The following GRM8 variants were observed in gnomAD, a reference collection of about 807,000 sequenced individuals.
The protein encoded by GRM8 is glutamate metabotropic receptor 8, also known as metabotropic glutamate receptor 8.
Under a neutral mutation model 87.2 loss-of-function variants are expected in GRM8, and 47 were observed. The observed-to-expected ratio is 0.54, with a 90% CI of 0.43 to 0.69. GRM8 has a LOEUF of 0.69. Among genes scored for constraint, GRM8 ranks in the 30% least tolerant of loss-of-function variants. The probability of loss-of-function intolerance (pLI) is 0.00; values close to 1 mark genes in which losing one functional copy is unlikely to be tolerated. For synonymous variants in GRM8, 396 were observed against 404.5 expected (o/e 0.98, Z 0.25); for missense variants, 1,019 against 1,139.2 (o/e 0.89, Z 1.52).
intron 9 of GRM8, among the ~76,000 whole-genome samples, chr7:126,521,551 C>T (rs941052144): frequency 2.6e-5 from 4 of 151,854 alleles, no homozygotes; most frequent in African/African-American, 9.7e-5. Flanking sequence ...CAATATATTA[C>T]TTTAAAAAAT....
At chr7:127,082,763 T>G (rs575951851) in intron 3 of GRM8, among the ~76,000 whole-genome samples, 1 of 152,326 alleles carries the variant, frequency 6.6e-6, no homozygotes, top group East Asian at 1.9e-4. Context: ...GCTTAAAACT[T>G]TACATGGGTT....
chr7:126,594,142 A>G (rs1471637700), intron 8 of GRM8, among the ~76,000 whole-genome samples: 1 of 152,058 alleles, frequency 6.6e-6, no homozygotes, highest in Non-Finnish European at 1.5e-5. Flanking sequence ...GTTGGTGGGA[A>G]TGTAAATTAG....
chr7:126,714,278 A>AAATAATAATAAT (rs143180604), intron 7 of GRM8, among the ~76,000 whole-genome samples: 65 of 137,044 alleles, frequency 4.7e-4, no homozygotes, highest in Middle Eastern at 3.6e-3. Flanking sequence ...ACTCCATCTC[A>AAATAATAATAAT]AATAATAATA....
chr7:127,018,730 C>T (rs1401457857), intron 3 of GRM8, among the ~76,000 whole-genome samples: 1 of 151,896 alleles, frequency 6.6e-6, no homozygotes, highest in East Asian at 1.9e-4. Flanking sequence ...AACACAGCCC[C>T]TTTCTGCTTG....
At chr7:127,134,857 A>C (rs1827865203) in intron 2 of GRM8, among the ~76,000 whole-genome samples, 1 of 152,152 alleles carries the variant, frequency 6.6e-6, no homozygotes, top group East Asian at 1.9e-4. Flanking sequence ...CTGAGCTCTG[A>C]ACATAAGTCT....
intron 9 of GRM8, among the ~76,000 whole-genome samples, chr7:126,482,202 G>A (rs1806766173): frequency 6.6e-6 from 1 of 152,020 alleles, no homozygotes; most frequent in Admixed American, 6.6e-5. Context: ...CCTGTTTGTA[G>A]TAATGTAAAA....
chr7:127,186,746 G>A (rs977276621), intron 2 of GRM8, among the ~76,000 whole-genome samples: 5 of 152,184 alleles, frequency 3.3e-5, no homozygotes, highest in African/African-American at 4.8e-5. Flanking sequence ...CAGTTGTAAT[G>A]CAAGAGATCT....
intron 2 of GRM8, among the ~76,000 whole-genome samples, chr7:127,108,588 C>T (rs1329753317): frequency 6.6e-6 from 1 of 152,064 alleles, no homozygotes; most frequent in East Asian, 1.9e-4. Flanking sequence ...CAACTCCCAC[C>T]CTGCCTATAA....
At chr7:127,076,134 G>A (rs988169119) in intron 3 of GRM8, 9 of 456,516 alleles carry the variant, frequency 2.0e-5, no homozygotes, top group African/African-American at 1.0e-4. Context: ...GACAGTTTGA[G>A]CATCTGACAG....
At chr7:126,643,252 C>T (rs1389476684) in intron 7 of GRM8, among the ~76,000 whole-genome samples, 1 of 128,924 alleles carries the variant, frequency 7.8e-6, no homozygotes, top group Admixed American at 9.0e-5. Flanking sequence ...GATTGTGCCA[C>T]TGTACTCCAG....
At chr7:126,529,138 G>GA (rs1814391579) in intron 9 of GRM8, among the ~76,000 whole-genome samples, 2 of 150,934 alleles carry the variant, frequency 1.3e-5, no homozygotes, top group South Asian at 2.1e-4. Flanking sequence ...CAACTTTTTA[G>GA]AAAAAAATCT....
chr7:127,184,814 TC>T (rs1794650337), intron 2 of GRM8, among the ~76,000 whole-genome samples: 1 of 151,904 alleles, frequency 6.6e-6, no homozygotes, highest in Non-Finnish European at 1.5e-5. Context: ...TATACAAAAG[TC>T]AATTGCTCTT....
intron 9 of GRM8, among the ~76,000 whole-genome samples, chr7:126,483,763 CCCTCCCTCCCT>C: frequency 3.0e-5 from 2 of 66,580 alleles, no homozygotes; most frequent in African/African-American, 1.2e-4. Context: ...CTCCCTCCCT[CCCTCCCTCCCT>C]TCCTCCCCTC....
intron 8 of GRM8, among the ~76,000 whole-genome samples, chr7:126,539,273 A>T (rs1816253321): frequency 6.6e-6 from 1 of 151,966 alleles, no homozygotes; most frequent in Non-Finnish European, 1.5e-5. Flanking sequence ...AACATCATTG[A>T]AAAAAAGTGA....
intron 6 of GRM8, among the ~76,000 whole-genome samples, chr7:126,807,829 C>T (rs1398901121): frequency 1.3e-5 from 2 of 152,114 alleles, no homozygotes; most frequent in South Asian, 2.1e-4. Context: ...AAGACTAGCA[C>T]GTACTCATGG....
intron 7 of GRM8, 22 bp downstream of exon 7, chr7:126,769,843 A>T: frequency 2.0e-6 from 3 of 1,470,840 alleles, no homozygotes; most frequent in Non-Finnish European, 2.9e-6. Flanking sequence ...ATGTATTTAG[A>T]CACACACACG....
At chr7:127,096,669 A>G (rs1434270185) in intron 3 of GRM8, among the ~76,000 whole-genome samples, 2 of 152,128 alleles carry the variant, frequency 1.3e-5, no homozygotes, top group African/African-American at 2.4e-5. Context: ...CACTCTACAC[A>G]TGAATAAATT....
intron 8 of GRM8, among the ~76,000 whole-genome samples, chr7:126,574,496 T>TG (rs2150994200): frequency 6.6e-6 from 1 of 152,354 alleles, no homozygotes; most frequent in Non-Finnish European, 1.5e-5. Flanking sequence ...ATTCCAATGC[T>TG]GGATGTGTCA....
chr7:126,870,268 T>A (rs1478588736), intron 6 of GRM8: 1 of 152,238 alleles, frequency 6.6e-6, no homozygotes, highest in Non-Finnish European at 1.5e-5. Flanking sequence ...TGATCTTCTA[T>A]GCAGACCACT....
Sources: allele counts gnomAD v4.1 joint callset (sites outside exome capture counted in the v4.1 genomes callset), GRCh38; gene constraint gnomAD v4.1.1; transcripts MANE v1.5; gene names NCBI Gene and HGNC (gene_info 2026-07-23, HGNC 2026-07-21).